TBC1D4: variants seen among roughly 807,000 people sequenced by gnomAD.
The protein encoded by TBC1D4 is TBC (Tre-2, BUB2, CDC16) domain-containing protein.
In TBC1D4, 121 loss-of-function variants were observed where a neutral mutation model predicts 142.5. That is an observed-to-expected ratio of 0.85 (90% CI 0.73 to 0.99). The LOEUF is 0.99. Ranked by LOEUF, TBC1D4 falls within the 50% of genes least tolerant of loss-of-function variation. TBC1D4 has a pLI of 0.00. For synonymous variants in TBC1D4, 630 were observed against 628.2 expected (o/e 1.00, Z -0.04); for missense variants, 1,475 against 1,606.6 (o/e 0.92, Z 1.40).
At chr13:75,353,479 A>T (rs949890464) in intron 4 of TBC1D4, among the ~76,000 whole-genome samples, 2 of 152,178 alleles carry the variant, frequency 1.3e-5, no homozygotes, top group Non-Finnish European at 2.9e-5. Flanking sequence ...AGACAGTCCA[A>T]AATCTGTGAA....
At position 75,302,260 on chromosome 13, in the gene TBC1D4, G is replaced by A. The variant is rs199525693; in HGVS notation, c.2894C>T (p.Ala965Val). 12 of 1,614,140 alleles carry A rather than the reference G, an allele frequency of 7.4e-6. No homozygotes were observed. The highest frequency in any genetic ancestry group is 6.6e-5 in the South Asian group (6 of 91,082). ...AAACATACCTAAATCCACGAGAATC[G>A]CATGCTGCTGAGCAGTGAGCTGCTT... Reference protein sequence around the residue: ...LLKQLTAQQHAILVDLGRTFP... With the variant: ...LLKQLTAQQHVILVDLGRTFP... Residue 965 changes from alanine to valine, a missense_variant, in exon 16 of 21, where the codon GCG (alanine) becomes GTG (valine). Physicochemically the swap from Ala to Val is moderately conservative, Grantham distance 64 (BLOSUM62 0). Around this residue, in one of 2 missense-constraint regions of TBC1D4, gnomAD observed 1,227 missense variants for 1,267.7 expected, o/e 0.97. Coordinates refer to ENST00000377636, the MANE Select transcript of TBC1D4 (RefSeq NM_014832.5).
intron 1 of TBC1D4, among the ~76,000 whole-genome samples, chr13:75,372,649 T>C (rs558222045): frequency 1.6e-4 from 25 of 152,118 alleles, no homozygotes; most frequent in Non-Finnish European, 3.2e-4. Flanking sequence ...CTTTCCCACA[T>C]AGACTAGTTT....
At chr13:75,370,055 G>T (rs1029978090) in intron 1 of TBC1D4, among the ~76,000 whole-genome samples, 1 of 152,136 alleles carries the variant, frequency 6.6e-6, no homozygotes, top group African/African-American at 2.4e-5. Flanking sequence ...CTCTCTATAA[G>T]ATGATATATG....
At chr13:75,380,291 G>A (rs1199088280) in intron 1 of TBC1D4, among the ~76,000 whole-genome samples, 2 of 151,860 alleles carry the variant, frequency 1.3e-5, no homozygotes, top group Non-Finnish European at 2.9e-5. Context: ...GACCAATATG[G>A]TGAAACCCCA....
intron 1 of TBC1D4, among the ~76,000 whole-genome samples, chr13:75,396,977 A>C (rs894220888): frequency 3.9e-5 from 6 of 152,224 alleles, no homozygotes; most frequent in Non-Finnish European, 8.8e-5. Context: ...CATACAATCT[A>C]AGAAATAGAG....
chr13:75,421,197 C>T (rs1886152619), intron 1 of TBC1D4, among the ~76,000 whole-genome samples: 1 of 152,222 alleles, frequency 6.6e-6, no homozygotes, highest in South Asian at 2.1e-4. Context: ...TTCTCACTCA[C>T]TGTGTGCAGA....
intron 13 of TBC1D4, among the ~76,000 whole-genome samples, chr13:75,312,442 A>T (rs1489351514): frequency 2.0e-5 from 3 of 151,278 alleles, no homozygotes; most frequent in Admixed American, 2.0e-4. Flanking sequence ...GAAAGAAAGA[A>T]AGAAAGAAAA....
chr13:75,404,063 T>C (rs7336763), intron 1 of TBC1D4, among the ~76,000 whole-genome samples: 26 of 149,082 alleles, frequency 1.7e-4, no homozygotes, highest in African/African-American at 4.3e-4. Flanking sequence ...TATATATACA[T>C]ACACACACAC....
At chr13:75,392,648 T>C (rs1884551663) in intron 1 of TBC1D4, among the ~76,000 whole-genome samples, 1 of 151,268 alleles carries the variant, frequency 6.6e-6, no homozygotes, top group Non-Finnish European at 1.5e-5. Context: ...CCTTCTTCTT[T>C]TTTAAGAGAC....
intron 7 of TBC1D4, among the ~76,000 whole-genome samples, chr13:75,339,741 A>T (rs941279266): frequency 2.0e-5 from 3 of 151,492 alleles, no homozygotes; most frequent in African/African-American, 4.9e-5. Flanking sequence ...ACACCGGCTA[A>T]TTGTTTTTGT....
chr13:75,299,179 C>T lies in TBC1D4; in HGVS notation c.3156+151G>A, dbSNP rs1287145431. 4.4e-5 allele frequency: 60 copies of T among 1,362,442 alleles called. No individual in the cohort carries two copies. The Admixed American group carries it at 1.1e-3, about 26-fold the overall frequency. 84.4% of individuals were successfully genotyped at this position (1,362,442 alleles called of 1,614,324 possible). On this transcript the variant is annotated intron_variant, in intron 17 of 20. Transcript: ENST00000377636. ...AAGTTTACCTAAATAGCAAATCCCA[C>T]ACTAAGTGAACTAAAACATGCCCCA...
intron 9 of TBC1D4, among the ~76,000 whole-genome samples, chr13:75,326,884 C>A (rs1342038103): frequency 6.6e-6 from 1 of 152,186 alleles, no homozygotes; most frequent in East Asian, 1.9e-4. Context: ...GCTTCCTGTA[C>A]TGCCAAAACA....
chr13:75,441,121 T>G (rs971420237), intron 1 of TBC1D4, among the ~76,000 whole-genome samples: 27 of 151,900 alleles, frequency 1.8e-4, no homozygotes, highest in Admixed American at 1.6e-3. Flanking sequence ...CCAGGCATGG[T>G]GGCGGGAACC....
intron 8 of TBC1D4, among the ~76,000 whole-genome samples, chr13:75,335,993 A>T (rs2138054067): frequency 6.6e-6 from 1 of 152,328 alleles, no homozygotes; most frequent in East Asian, 1.9e-4. Context: ...GAGCATCAGT[A>T]TTCTATTTCC....
At chr13:75,459,418 G>A (rs1261175096) in intron 1 of TBC1D4, among the ~76,000 whole-genome samples, 1 of 152,056 alleles carries the variant, frequency 6.6e-6, no homozygotes, top group African/African-American at 2.4e-5. Context: ...GTGTTTTTAT[G>A]CTTGGCCACC....
intron 4 of TBC1D4, among the ~76,000 whole-genome samples, chr13:75,355,149 G>A (rs540136879): frequency 6.6e-5 from 10 of 152,162 alleles, no homozygotes; most frequent in Non-Finnish European, 1.5e-4. Context: ...GGCGAGAGTC[G>A]GGCAGGGATA....
chr13:75,437,364 A>T (rs1886841510), intron 1 of TBC1D4, among the ~76,000 whole-genome samples: 1 of 152,192 alleles, frequency 6.6e-6, no homozygotes, highest in Non-Finnish European at 1.5e-5. Context: ...TTATAGTAAC[A>T]AGGAGAACTA....
At position 75,481,744 on chromosome 13, in the gene TBC1D4, C is replaced by A. The variant is rs771158239; in HGVS notation, c.24G>T (p.Gln8His). Residue 8 changes from glutamine to histidine, a missense_variant, in exon 1 of 21, where the codon CAG becomes CAT. Physicochemically the swap from Gln to His is conservative, Grantham distance 24 (BLOSUM62 0). Coordinates refer to ENST00000377636, the MANE Select transcript of TBC1D4 (RefSeq NM_014832.5). MEPPSCI[Q>H]DEPFPHPLEP... ...CCAGGGGGTGCGGGAACGGCTCATC[C>A]TGAATGCAGCTGGGCGGCTCCATAA... 2 of 1,590,928 alleles carry A rather than the reference C, an allele frequency of 1.3e-6. No homozygotes were observed. Among genetic ancestry groups the A allele is most frequent in the Non-Finnish European group, 1.7e-6 (2 of 1,172,038 alleles).
At position 75,319,997 on chromosome 13, in the gene TBC1D4, C is replaced by T. The variant is rs1266386274; in HGVS notation, c.2222+17G>A. The T allele has an allele frequency of 4.3e-6, 7 of 1,611,504 alleles. No individual in the cohort carries two copies. Among genetic ancestry groups the T allele is most frequent in the Admixed American group, 1.7e-5 (1 of 59,942 alleles). On this transcript the variant is annotated intron_variant, in intron 12 of 20. Transcript: ENST00000377636. ...TGTGAATTTTTTTTAAATAAAAATA[C>T]GTAGACCTCTAATCACCTTGATTCT...
Sources: allele counts gnomAD v4.1 joint callset (sites outside exome capture counted in the v4.1 genomes callset), GRCh38; gene constraint gnomAD v4.1.1; regional missense constraint gnomAD v4.1.1; transcripts MANE v1.5; gene names NCBI Gene and HGNC (gene_info 2026-07-23, HGNC 2026-07-21).